Variants in RHCE observed in about 807,000 individuals in gnomAD.
RHCE encodes blood group Rh(CE) polypeptide.
RHCE carries 22 observed loss-of-function variants against 43.8 expected under a neutral mutation model. The ratio of observed to expected loss-of-function variants is 0.50; its 90% confidence interval spans 0.36 to 0.72. The LOEUF (loss-of-function observed/expected upper bound fraction) is 0.72. Ranked by LOEUF, RHCE falls within the 30% of genes least tolerant of loss-of-function variation. The probability of loss-of-function intolerance (pLI) is 0.00; values close to 1 mark genes in which losing one functional copy is unlikely to be tolerated. For synonymous variants in RHCE, 156 were observed against 210.7 expected (o/e 0.74, Z 2.25); for missense variants, 385 against 525.4 (o/e 0.73, Z 2.61).
Position 25,402,172 on chromosome 1 carries a change from C to T in RHCE, c.486+424G>A, listed in dbSNP as rs1164753645. On this transcript the variant is annotated intron_variant, in intron 3 of 9. Transcript: ENST00000294413. Reference sequence around the variant, plus strand: ...GATTACAGGTGTGAGCCACTGTACCCAGCCTGTCTGTCTGTCTGTCTGTCT... The same window carrying T: ...GATTACAGGTGTGAGCCACTGTACCTAGCCTGTCTGTCTGTCTGTCTGTCT... 4.0e-5 allele frequency among the ~76,000 whole-genome samples: 6 copies of T among 149,766 alleles called. No homozygotes were observed. The East Asian group carries it at 1.2e-3, about 29-fold the overall frequency.
In RHCE at chr1:25,370,576, G is replaced by A. The variant is rs371793746; in HGVS notation, c.1154-36C>T. 43 of 1,540,588 alleles carry A rather than the reference G, an allele frequency of 2.8e-5. 1 individual carries two copies. In the Admixed American group the frequency reaches 3.9e-4, roughly 14 times the overall value. On this transcript the variant is annotated intron_variant, in intron 8 of 9. Coordinates refer to ENST00000294413, the MANE Select transcript of RHCE (RefSeq NM_020485.8). ...GCATAATTTAATGTTAAAAGATTTG[G>A]AGCACAGGATTTTTAATCTCAAGAT...
rs1350514867 is a variant in RHCE at position 25,379,886 on chromosome 1, T to C, written c.1074-4458A>G. Among the ~76,000 whole-genome samples, 6 of 152,038 alleles carry C rather than the reference T, an allele frequency of 3.9e-5. No homozygotes were observed. In the East Asian group the frequency reaches 5.8e-4, roughly 15 times the overall value. On this transcript the variant is annotated intron_variant, in intron 7 of 9. Coordinates refer to ENST00000294413, the MANE Select transcript of RHCE (RefSeq NM_020485.8). ...TAGAGACAGGTCTCACTATGTTGCC[T>C]AGGCTGGTCTTGAACTCCTGGGCTC...
chr1:25,393,753 C>G (rs1408858965), intron 3 of RHCE, among the ~76,000 whole-genome samples: 2 of 151,998 alleles, frequency 1.3e-5, no homozygotes, highest in African/African-American at 4.8e-5. Context: ...CTCACCTGAC[C>G]TCTCGGGCGT....
At chr1:25,390,657 A>T (rs1417165330) in intron 5 of RHCE, 92 bp downstream of exon 5, 1 of 1,463,842 alleles carries the variant, frequency 6.8e-7, no homozygotes, top group Non-Finnish European at 9.5e-7. Context: ...GCCCTCTCCC[A>T]ACCCACGCTG....
chr1:25,425,428 G>A (rs947369727), upstream of RHCE, among the ~76,000 whole-genome samples: 9 of 152,170 alleles, frequency 5.9e-5, no homozygotes, highest in Admixed American at 1.3e-4. Flanking sequence ...GCTAATAAAC[G>A]GCAGAGGTGG....
chr1:25,381,051 A>C (rs147910912), intron 7 of RHCE, among the ~76,000 whole-genome samples: 2 of 151,242 alleles, frequency 1.3e-5, no homozygotes, highest in African/African-American at 4.9e-5. Flanking sequence ...ACAGGCGCCC[A>C]CCACCACGCC....
At chr1:25,402,012 G>A (rs1403032979) in intron 3 of RHCE, among the ~76,000 whole-genome samples, 7 of 151,898 alleles carry the variant, frequency 4.6e-5, no homozygotes, top group Non-Finnish European at 8.8e-5. Flanking sequence ...GAGTAGCTGG[G>A]ATTACAGGCA....
At chr1:25,378,891 T>C (rs1399939568) in intron 7 of RHCE, among the ~76,000 whole-genome samples, 1 of 152,072 alleles carries the variant, frequency 6.6e-6, no homozygotes, top group Non-Finnish European at 1.5e-5. Flanking sequence ...GACCCAAGCA[T>C]GACAGAACAC....
chr1:25,362,349 A>C lies in RHCE; in HGVS notation c.*178T>G. 1.5e-6 allele frequency: 2 copies of C among 1,359,814 alleles called. No individual in the cohort carries two copies. Among genetic ancestry groups the C allele is most frequent in the Non-Finnish European group, 2.0e-6 (2 of 987,278 alleles). The allele number at this position is 1,359,814 out of a possible 1,614,324, so 84.2% of individuals were successfully genotyped here. ...CATTTATTTTAAACTTATTAAATTG[A>C]CTCTTAAACTAAGTTTTTAGTCTTT... On this transcript the variant is annotated 3_prime_UTR_variant, in exon 10 of 10. Coordinates refer to ENST00000294413, the MANE Select transcript of RHCE (RefSeq NM_020485.8).
upstream of RHCE, among the ~76,000 whole-genome samples, chr1:25,424,161 C>T (rs921296634): frequency 1.3e-5 from 2 of 152,156 alleles, no homozygotes; most frequent in African/African-American, 4.8e-5. Context: ...CTAATGTAAG[C>T]GTTCTAAGCA....
chr1:25,370,136 C>T (rs618924), intron 9 of RHCE, among the ~76,000 whole-genome samples: 8 of 151,626 alleles, frequency 5.3e-5, no homozygotes, highest in East Asian at 1.9e-4. Flanking sequence ...TTTTGCATTG[C>T]GGGGTTCTGT....
In RHCE at chr1:25,372,518, TA is replaced by T. The variant is rs76717377; in HGVS notation, c.1154-1979del. On this transcript the variant is annotated intron_variant, in intron 8 of 9. Coordinates refer to ENST00000294413, the MANE Select transcript of RHCE (RefSeq NM_020485.8). ...TGGGCAACAAGAGCAAAACTCCGTC[TA>T]AAAAAAAAAAAAAGAATTTCTCTTC... is the stretch of plus-strand genomic sequence containing the variant. 5.0e-3 allele frequency among the ~76,000 whole-genome samples: 698 copies of T among 139,324 alleles called. 1 individual carries two copies. Among genetic ancestry groups the T allele is most frequent in the Admixed American group, 4.9e-3 (68 of 13,854 alleles). 91.4% of individuals were successfully genotyped at this position (139,324 alleles called of 152,430 possible). A position where few individuals can be genotyped will look rare whatever the true frequency, so the allele number is the denominator to read the frequency against.
At chr1:25,415,982 G>C (rs1044859148) in intron 1 of RHCE, among the ~76,000 whole-genome samples, 1 of 151,822 alleles carries the variant, frequency 6.6e-6, no homozygotes, top group Admixed American at 6.6e-5. Flanking sequence ...ATTTCCAGGA[G>C]ATGCTGAGGC....
chr1:25,425,518 C>T (rs919621496), upstream of RHCE, among the ~76,000 whole-genome samples: 3 of 152,184 alleles, frequency 2.0e-5, no homozygotes, highest in African/African-American at 7.2e-5. Flanking sequence ...TACTAAATCA[C>T]CCAGTCTCAA....
At chr1:25,391,428 C>T (rs1001227052) in intron 4 of RHCE, among the ~76,000 whole-genome samples, 19 of 151,920 alleles carry the variant, frequency 1.3e-4, no homozygotes, top group African/African-American at 2.4e-5. Context: ...CTCAGGTGAT[C>T]CACCCACCTT....
intron 3 of RHCE, among the ~76,000 whole-genome samples, chr1:25,396,428 C>A (rs992790093): frequency 1.1e-4 from 16 of 152,144 alleles, no homozygotes; most frequent in Admixed American, 9.2e-4. Flanking sequence ...AAGAGAATGT[C>A]CCCTTGTTTT....
Position 25,385,696 on chromosome 1 carries a change from A to G in RHCE, c.1073+15T>C. On this transcript the variant is annotated intron_variant, in intron 7 of 9. Transcript: ENST00000294413. ...GGGAGTGTTAAGGGGATGGGGGGTA[A>G]GCCCAGTGACCCACATGCCATTGCC... The G allele has an allele frequency of 6.2e-7, 1 of 1,613,978 alleles. No individual in the cohort carries two copies. The highest frequency in any genetic ancestry group is 8.5e-7 in the Non-Finnish European group (1 of 1,179,980).
Position 25,388,985 on chromosome 1 carries a change from C to A in RHCE, c.930G>T (p.Lys310Asn), listed in dbSNP as rs756572340. The part of the protein sequence containing the change: ...VAGLISIGGA[K>N]CLPVCCNRVL... The stretch of plus-strand genomic sequence containing the variant: ...TTGTCTAGTTTCTTACCGGCAGGCA[C>A]TTGGCTCCCCCGATGGAGATCAGCC... Residue 310 changes from lysine to asparagine, a missense_variant, in exon 6 of 10, where the codon AAG becomes AAT. Transcript: ENST00000294413. The A allele has an allele frequency of 3.1e-6, 5 of 1,614,262 alleles. No homozygotes were observed. Among genetic ancestry groups the A allele is most frequent in the Non-Finnish European group, 4.2e-6 (5 of 1,180,048 alleles).
At chr1:25,391,156 C>G (rs1271194320) in intron 4 of RHCE, among the ~76,000 whole-genome samples, 4 of 152,138 alleles carry the variant, frequency 2.6e-5, no homozygotes, top group Non-Finnish European at 5.9e-5. Flanking sequence ...CCTGAACCTG[C>G]TCTGTGATGG....
Sources: gnomAD v4.1 joint callset for allele counts (sites outside exome capture counted in the v4.1 genomes callset) on GRCh38, gnomAD v4.1.1 for gene constraint, MANE v1.5 for transcripts, NCBI Gene and HGNC (gene_info 2026-07-23, HGNC 2026-07-21) for gene names.